DPF3: variants seen among roughly 807,000 people sequenced by gnomAD.
DPF3 encodes the protein double PHD fingers 3.
A neutral mutation model predicts 56.8 loss-of-function variants in DPF3; 18 were observed. That is an observed-to-expected ratio of 0.32 (90% CI 0.22 to 0.47). The LOEUF (loss-of-function observed/expected upper bound fraction) is 0.47. DPF3 is among the 20% of genes least tolerant of loss of function. The probability of loss-of-function intolerance (pLI) is 1.00; values close to 1 mark genes in which losing one functional copy is unlikely to be tolerated. For missense variants in DPF3, 403 were observed against 488.8 expected (o/e 0.82, Z 1.65); for synonymous variants, 188 against 180.2 (o/e 1.04, Z -0.35).
intron 8 of DPF3, among the ~76,000 whole-genome samples, chr14:72,644,859 T>C (rs1352040853): frequency 6.6e-6 from 1 of 152,240 alleles, no homozygotes; most frequent in Non-Finnish European, 1.5e-5. Context: ...ACCAGAAATC[T>C]GACCTCCTTT....
At chr14:72,745,620 TA>T (rs1174628798) in intron 3 of DPF3, among the ~76,000 whole-genome samples, 1 of 152,102 alleles carries the variant, frequency 6.6e-6, no homozygotes, top group Non-Finnish European at 1.5e-5. Context: ...TTGCAATGTG[TA>T]AAAAAGAGCC....
At chr14:72,661,856 T>C (rs1005085725) in intron 8 of DPF3, 13 of 53,982 alleles carry the variant, frequency 2.4e-4, no homozygotes, top group Non-Finnish European at 5.5e-5. Context: ...TATTTTTGCT[T>C]TTTTTTTTTT....
intron 9 of DPF3, among the ~76,000 whole-genome samples, chr14:72,620,831 G>A (rs1884386554): frequency 6.6e-6 from 1 of 152,240 alleles, no homozygotes; most frequent in African/African-American, 2.4e-5. Flanking sequence ...CTGGCATGTG[G>A]TAGACATCTA....
At chr14:72,719,110 CTA>C (rs1349672979) in intron 5 of DPF3, among the ~76,000 whole-genome samples, 3 of 128,812 alleles carry the variant, frequency 2.3e-5, no homozygotes, top group Non-Finnish European at 4.9e-5. Context: ...CACTCTGTCA[CTA>C]GGGCTGGAGT....
chr14:72,776,120 G>C (rs1040775132), intron 1 of DPF3, among the ~76,000 whole-genome samples: 3 of 152,230 alleles, frequency 2.0e-5, no homozygotes, highest in Admixed American at 2.0e-4. Context: ...GTGTACCCTG[G>C]GTTGGATCAC....
intron 3 of DPF3, among the ~76,000 whole-genome samples, chr14:72,735,472 T>C (rs1889852711): frequency 6.6e-6 from 1 of 152,066 alleles, no homozygotes; most frequent in Non-Finnish European, 1.5e-5. Context: ...CTTTACCAGA[T>C]AGGCACAGTA....
intron 1 of DPF3, among the ~76,000 whole-genome samples, chr14:72,874,044 C>T (rs1467690808): frequency 5.5e-5 from 8 of 145,056 alleles, no homozygotes; most frequent in Non-Finnish European, 1.0e-4. Flanking sequence ...GCATGTTGTG[C>T]ACATGTACCC....
intron 3 of DPF3, among the ~76,000 whole-genome samples, chr14:72,744,514 G>A (rs1840317318): frequency 6.6e-6 from 1 of 152,068 alleles, no homozygotes; most frequent in South Asian, 2.1e-4. Flanking sequence ...AGCCTGAAAG[G>A]TCCACTCATC....
At chr14:72,786,512 T>C (rs796467076) in intron 1 of DPF3, among the ~76,000 whole-genome samples, 49 of 152,360 alleles carry the variant, frequency 3.2e-4, no homozygotes, top group African/African-American at 1.2e-3. Context: ...GCAGCTTTTG[T>C]GCTGAAATGA....
At chr14:72,748,306 G>A (rs1277283410) in intron 3 of DPF3, among the ~76,000 whole-genome samples, 2 of 152,224 alleles carry the variant, frequency 1.3e-5, no homozygotes, top group Non-Finnish European at 2.9e-5. Context: ...CTGCCCTAGA[G>A]ATTTGTGGAA....
intron 1 of DPF3, among the ~76,000 whole-genome samples, chr14:72,772,890 C>T (rs891052040): frequency 6.6e-6 from 1 of 151,958 alleles, no homozygotes; most frequent in Non-Finnish European, 1.5e-5. Flanking sequence ...GGTCGGGGGG[C>T]AGTGGACGCA....
chr14:72,628,165 A>G (rs1884945871), intron 9 of DPF3, among the ~76,000 whole-genome samples: 1 of 152,124 alleles, frequency 6.6e-6, no homozygotes, highest in Non-Finnish European at 1.5e-5. Context: ...AGTTATAGAG[A>G]TAGTGAGCAT....
At chr14:72,886,697 T>TCA (rs1886560512) in intron 1 of DPF3, among the ~76,000 whole-genome samples, 1 of 152,094 alleles carries the variant, frequency 6.6e-6, no homozygotes, top group African/African-American at 2.4e-5. Flanking sequence ...TAGACTCTGA[T>TCA]GAGTTCTGCA....
intron 1 of DPF3, chr14:72,773,730 T>C: frequency 2.3e-6 from 1 of 431,750 alleles, no homozygotes; most frequent in Non-Finnish European, 4.6e-6. Flanking sequence ...TTTGTCTTTT[T>C]GTGACTGGCT....
chr14:72,611,157 A>G lies in DPF3; in HGVS notation c.*8140T>C, dbSNP rs1334815895. 1.3e-5 allele frequency among the ~76,000 whole-genome samples: 2 copies of G among 152,174 alleles called. No homozygotes were observed. The highest frequency in any genetic ancestry group is 2.4e-5 in the African/African-American group (1 of 41,430). ...TATAGCTCTGAGCCAACATCCACACATGGACAGATACACACCTTCCCCCAA... is the reference window on the plus strand; with the variant it reads ...TATAGCTCTGAGCCAACATCCACACGTGGACAGATACACACCTTCCCCCAA... On this transcript the variant is annotated 3_prime_UTR_variant, in exon 11 of 11. Coordinates refer to ENST00000556509, the MANE Select transcript of DPF3 (RefSeq NM_001280542.3).
chr14:72,835,988 C>T (rs1884277663), intron 1 of DPF3: 1 of 946,312 alleles, frequency 1.1e-6, no homozygotes. Context: ...CCGCCGGAGA[C>T]CACATTCCCA....
chr14:72,838,906 T>TATATATATA lies in DPF3; in HGVS notation c.32+55150_32+55151insTATATATAT, dbSNP rs375598670. On this transcript the variant is annotated intron_variant, in intron 1 of 10. Coordinates refer to ENST00000556509, the MANE Select transcript of DPF3 (RefSeq NM_001280542.3). ...TCTATCATATATATTATCATATATA[T>TATATATATA]TCTTTTTTTTTTTTTTTTTTTTTTT... Among the ~76,000 whole-genome samples, 742 of 87,476 alleles carry TATATATATA rather than the reference T, an allele frequency of 8.5e-3. 43 individuals are homozygous for TATATATATA. The highest frequency in any genetic ancestry group is 0.015 in the East Asian group (32 of 2,156). 57.4% of individuals were successfully genotyped at this position (87,476 alleles called of 152,430 possible). A position where few individuals can be genotyped will look rare whatever the true frequency, so the allele number is the denominator to read the frequency against.
chr14:72,662,167 C>T (rs1036563965), intron 8 of DPF3: 2 of 985,262 alleles, frequency 2.0e-6, no homozygotes, highest in African/African-American at 1.7e-5. Flanking sequence ...AAAAACTGAG[C>T]ACTCCTCACT....
intron 6 of DPF3, among the ~76,000 whole-genome samples, chr14:72,705,947 A>G (rs75907942): frequency 1.4e-4 from 21 of 151,638 alleles, no homozygotes; most frequent in East Asian, 5.8e-4. Flanking sequence ...GAGAAAAAAA[A>G]AGAGAGAGAG....
Sources: allele counts gnomAD v4.1 joint callset (sites outside exome capture counted in the v4.1 genomes callset), GRCh38; gene constraint gnomAD v4.1.1; transcripts MANE v1.5; gene names NCBI Gene and HGNC (gene_info 2026-07-23, HGNC 2026-07-21).